The following ABI3BP variants were observed in gnomAD, a reference collection of about 807,000 sequenced individuals.
The protein encoded by ABI3BP is ABI family member 3 binding protein.
Under a neutral mutation model 268.6 loss-of-function variants are expected in ABI3BP, and 216 were observed. The observed-to-expected ratio is 0.80, with a 90% CI of 0.72 to 0.90. ABI3BP has a LOEUF of 0.90. Among genes scored for constraint, ABI3BP ranks in the 40% least tolerant of loss-of-function variants. The pLI, the probability that ABI3BP is intolerant of heterozygous loss-of-function variation, is 0.00. For synonymous variants in ABI3BP, 730 were observed against 730.0 expected (o/e 1.00, Z 0.00); for missense variants, 2,090 against 2,182.4 (o/e 0.96, Z 0.84).
chr3:100,904,298 C>A (rs920357605), intron 2 of ABI3BP, among the ~76,000 whole-genome samples: 1 of 152,162 alleles, frequency 6.6e-6, no homozygotes, highest in African/African-American at 2.4e-5. Context: ...TAAGGTCCTG[C>A]TGTCACCATC....
intron 45 of ABI3BP, 126 bp downstream of exon 45, chr3:100,813,535 G>A (rs1431683240): frequency 3.1e-6 from 2 of 642,442 alleles, no homozygotes; most frequent in Non-Finnish European, 5.1e-6. Context: ...AGAGCATTGT[G>A]CAATATTTAC....
chr3:100,922,523 C>CAATGGTGATGGT (rs148231436), intron 2 of ABI3BP, among the ~76,000 whole-genome samples: 11 of 148,588 alleles, frequency 7.4e-5, no homozygotes, highest in African/African-American at 2.5e-4. Flanking sequence ...TGATGTGATG[C>CAATGGTGATGGT]GATGGTGATG....
intron 63 of ABI3BP, among the ~76,000 whole-genome samples, chr3:100,756,268 T>C (rs951624988): frequency 2.0e-5 from 3 of 152,208 alleles, no homozygotes; most frequent in Non-Finnish European, 4.4e-5. Context: ...CTCGTGCCTG[T>C]AATCCCAGCA....
intron 2 of ABI3BP, among the ~76,000 whole-genome samples, chr3:100,904,700 A>G (rs2052384476): frequency 6.6e-6 from 1 of 152,200 alleles, no homozygotes. Flanking sequence ...GCAAATCAAA[A>G]CCACAATGAG....
In ABI3BP at chr3:100,770,796, C is replaced by T; in HGVS notation, c.4688G>A (p.Cys1563Tyr). The T allele has an allele frequency of 6.4e-7, 1 of 1,566,234 alleles. No homozygotes were observed. Among genetic ancestry groups the T allele is most frequent in the Non-Finnish European group, 8.6e-7 (1 of 1,156,734 alleles). ...TNLTVVTVEG[C>Y]PSFVILDWEK... ...CCAGTCCAAGATGACAAATGAGGGG[C>T]ACCCTTCCACGGTGACCACAGTGAG... The change falls in exon 62 of 68, where the codon TGC becomes TAC. Residue 1563 changes from cysteine to tyrosine, a missense_variant. Coordinates refer to ENST00000471714, the MANE Select transcript of ABI3BP (RefSeq NM_001375547.2).
intron 15 of ABI3BP, 45 bp downstream of exon 15, chr3:100,851,830 T>G: frequency 6.7e-7 from 1 of 1,498,312 alleles, no homozygotes; most frequent in Non-Finnish European, 9.0e-7. Context: ...CACCAAGTGT[T>G]GGAACACCTG....
chr3:100,979,780 G>A (rs935816600), intron 1 of ABI3BP, among the ~76,000 whole-genome samples: 17 of 152,222 alleles, frequency 1.1e-4, no homozygotes, highest in Middle Eastern at 6.8e-3. Flanking sequence ...ATTATATAAC[G>A]CAATTCAGCT....
intron 63 of ABI3BP, among the ~76,000 whole-genome samples, chr3:100,759,547 C>T (rs1041577787): frequency 2.0e-5 from 3 of 152,062 alleles, no homozygotes; most frequent in Admixed American, 2.0e-4. Flanking sequence ...TTTTGTGTTC[C>T]CCCACTTCTG....
At chr3:100,959,683 G>T (rs559218495) in intron 1 of ABI3BP, among the ~76,000 whole-genome samples, 2 of 152,008 alleles carry the variant, frequency 1.3e-5, no homozygotes, top group South Asian at 2.1e-4. Context: ...AAAGCTGAGG[G>T]TAGGATAGAA....
intron 55 of ABI3BP, 73 bp downstream of exon 55, chr3:100,792,618 T>C: frequency 6.8e-7 from 1 of 1,465,404 alleles, no homozygotes. Context: ...AATGACATTC[T>C]GAAAGAAAAT....
At chr3:100,888,974 T>A (rs2043218220) in intron 4 of ABI3BP, among the ~76,000 whole-genome samples, 1 of 152,096 alleles carries the variant, frequency 6.6e-6, no homozygotes, top group Admixed American at 6.6e-5. Context: ...ATTTGTGGAA[T>A]GAATATGTGG....
chr3:100,934,136 C>A (rs1431007216), intron 1 of ABI3BP, among the ~76,000 whole-genome samples: 1 of 151,854 alleles, frequency 6.6e-6, no homozygotes, highest in Non-Finnish European at 1.5e-5. Context: ...TCCCCTAACC[C>A]CCCACCCCCA....
At chr3:100,854,541 A>T (rs2098916893) in intron 14 of ABI3BP, among the ~76,000 whole-genome samples, 1 of 152,244 alleles carries the variant, frequency 6.6e-6, no homozygotes, top group South Asian at 2.1e-4. Flanking sequence ...TAGCTATAAA[A>T]TTGATAAGTA....
Position 100,816,575 on chromosome 3 carries a change from G to A in ABI3BP, c.3229+113C>T, listed in dbSNP as rs930596849. 2.8e-5 allele frequency: 25 copies of A among 892,200 alleles called. No homozygotes were observed. In the Admixed American group the frequency reaches 4.8e-4, roughly 17 times the overall value. 55.3% of individuals were successfully genotyped at this position (892,200 alleles called of 1,614,324 possible). A position where few individuals can be genotyped will look rare whatever the true frequency, so the allele number is the denominator to read the frequency against. The stretch of plus-strand genomic sequence containing the variant: ...CCCATGTTAAATAATTTGATTCTTA[G>A]AAAACATGATGACTGTTACTTCCCG... On this transcript the variant is annotated intron_variant, in intron 43 of 67. Transcript: ENST00000471714.
intron 4 of ABI3BP, among the ~76,000 whole-genome samples, chr3:100,894,627 C>T (rs901039360): frequency 2.6e-5 from 4 of 151,988 alleles, no homozygotes; most frequent in African/African-American, 9.7e-5. Context: ...AAAAGGAGAG[C>T]CCTCATTCTA....
intron 22 of ABI3BP, 136 bp from the exon 23 acceptor site, chr3:100,840,300 C>G: frequency 1.5e-6 from 1 of 674,388 alleles, no homozygotes; most frequent in Non-Finnish European, 2.4e-6. Context: ...TTGCAAACTT[C>G]TATCATTATT....
At chr3:100,852,856 C>T (rs1348737150) in intron 14 of ABI3BP, among the ~76,000 whole-genome samples, 1 of 152,122 alleles carries the variant, frequency 6.6e-6, no homozygotes, top group Non-Finnish European at 1.5e-5. Context: ...AGAGTTGAAC[C>T]TGCAAGCAAA....
intron 57 of ABI3BP, among the ~76,000 whole-genome samples, chr3:100,781,002 G>T (rs2096849666): frequency 6.6e-6 from 1 of 151,922 alleles, no homozygotes; most frequent in Non-Finnish European, 1.5e-5. Flanking sequence ...CATTATAAAA[G>T]AATAGAAACA....
rs921676004 is a variant in ABI3BP, at chr3:100,802,942, T to C, written c.3757+1850A>G. On this transcript the variant is annotated intron_variant, in intron 51 of 67. Transcript: ENST00000471714. ...GGTGTGAATTTGAGCCTACATAAAA[T>C]CTAGAACTGTTTGAACACATCAGAA... Among the ~76,000 whole-genome samples the C allele has an allele frequency of 1.4e-5, 2 of 146,332 alleles. 1 individual carries two copies. Among genetic ancestry groups the C allele is most frequent in the Non-Finnish European group, 3.1e-5 (2 of 64,518 alleles).
Sources: gnomAD v4.1 joint callset for allele counts (sites outside exome capture counted in the v4.1 genomes callset) on GRCh38, gnomAD v4.1.1 for gene constraint, MANE v1.5 for transcripts, NCBI Gene and HGNC (gene_info 2026-07-23, HGNC 2026-07-21) for gene names.